CDK19: variants seen among roughly 807,000 people sequenced by gnomAD.
CDK19 encodes cyclin dependent kinase 19.
Under a neutral mutation model 68.3 loss-of-function variants are expected in CDK19, and 20 were observed. That is an observed-to-expected ratio of 0.29 (90% CI 0.21 to 0.43). The LOEUF (loss-of-function observed/expected upper bound fraction) is 0.43. Ranked by LOEUF, CDK19 falls within the 20% of genes least tolerant of loss-of-function variation. The pLI is 1.00. For synonymous variants in CDK19, 221 were observed against 222.8 expected, an observed-to-expected ratio of 0.99 and a Z score of 0.07; for missense variants, 339 against 623.5, an observed-to-expected ratio of 0.54 and a Z score of 4.86.
At chr6:110,736,197 T>G (rs1777241686) in intron 2 of CDK19, among the ~76,000 whole-genome samples, 1 of 152,092 alleles carries the variant, frequency 6.6e-6, no homozygotes, top group African/African-American at 2.4e-5. Context: ...CAAAATTAGC[T>G]GGGCGTGCTG....
intron 1 of CDK19, among the ~76,000 whole-genome samples, chr6:110,763,502 G>A (rs940730594): frequency 5.6e-5 from 8 of 141,810 alleles, no homozygotes; most frequent in South Asian, 2.3e-4. Flanking sequence ...TGCAGCCTCC[G>A]CCTCCCAGGT....
At chr6:110,638,507 T>A in intron 5 of CDK19, 142 bp downstream of exon 5, 1 of 597,144 alleles carries the variant, frequency 1.7e-6, no homozygotes, top group Admixed American at 3.1e-5. Context: ...AGACTATCTA[T>A]CTACATTTTC....
At chr6:110,682,695 C>T (rs928286733) in intron 2 of CDK19, among the ~76,000 whole-genome samples, 3 of 152,124 alleles carry the variant, frequency 2.0e-5, no homozygotes, top group African/African-American at 7.2e-5. Flanking sequence ...GACAGTGAGG[C>T]AGTAAGTAAA....
In CDK19 at chr6:110,815,053, T is replaced by C; in HGVS notation, c.84A>G (p.Gly28=). ...DLFEYEGCKV[G]RGTYGHVYKA... ...TGTAGACGTGACCGTAGGTGCCGCG[T>C]CCCACTTTGCACCCTTCGTACTCAA... Residue 28 remains glycine, a synonymous_variant, in exon 1 of 13, where the codon GGA becomes GGG. Transcript: ENST00000368911. 7 of 1,606,202 alleles carry C rather than the reference T, an allele frequency of 4.4e-6. No homozygotes were observed. The highest frequency in any genetic ancestry group is 5.9e-6 in the Non-Finnish European group (7 of 1,176,982).
At chr6:110,648,170 C>G (rs773964576) in intron 4 of CDK19, among the ~76,000 whole-genome samples, 4 of 152,124 alleles carry the variant, frequency 2.6e-5, no homozygotes, top group Non-Finnish European at 5.9e-5. Context: ...TGCCTACTAT[C>G]ACCACTTATA....
intron 1 of CDK19, among the ~76,000 whole-genome samples, chr6:110,781,232 G>A (rs1375155540): frequency 1.3e-5 from 2 of 152,236 alleles, no homozygotes; most frequent in South Asian, 2.1e-4. Flanking sequence ...TTTCAATCAC[G>A]GCACAAGGGG....
At chr6:110,624,414 A>T (rs1778955931) in intron 8 of CDK19, among the ~76,000 whole-genome samples, 1 of 152,156 alleles carries the variant, frequency 6.6e-6, no homozygotes, top group Non-Finnish European at 1.5e-5. Flanking sequence ...AGGTCTAAAA[A>T]TAGGTAATGT....
chr6:110,675,365 C>T (rs1034007445), intron 2 of CDK19, among the ~76,000 whole-genome samples: 11 of 152,114 alleles, frequency 7.2e-5, no homozygotes, highest in African/African-American at 2.4e-4. Context: ...CAGTGGCTCA[C>T]GCCTGTAATC....
chr6:110,751,918 C>A (rs1389502806), intron 1 of CDK19, among the ~76,000 whole-genome samples: 1 of 149,892 alleles, frequency 6.7e-6, no homozygotes, highest in Non-Finnish European at 1.5e-5. Flanking sequence ...CTATTTTTTT[C>A]TTCAAGAAGA....
chr6:110,714,222 T>A (rs1775191387), intron 2 of CDK19, among the ~76,000 whole-genome samples: 1 of 152,246 alleles, frequency 6.6e-6, no homozygotes, highest in South Asian at 2.1e-4. Flanking sequence ...TCATTTCACA[T>A]AATGTTCTCA....
At chr6:110,752,707 C>T (rs560245314) in intron 1 of CDK19, among the ~76,000 whole-genome samples, 75 of 152,256 alleles carry the variant, frequency 4.9e-4, no homozygotes, top group Non-Finnish European at 1.8e-4. Flanking sequence ...GCTTTCATTT[C>T]TTAGAAAGAC....
chr6:110,657,117 A>T (rs1387231348), intron 4 of CDK19, among the ~76,000 whole-genome samples: 3 of 152,220 alleles, frequency 2.0e-5, no homozygotes, highest in Non-Finnish European at 4.4e-5. Flanking sequence ...GAAGAAAGAG[A>T]GGCCTAGAGA....
intron 2 of CDK19, among the ~76,000 whole-genome samples, chr6:110,676,564 T>A (rs1212745518): frequency 1.3e-5 from 2 of 152,144 alleles, no homozygotes; most frequent in Non-Finnish European, 1.5e-5. Flanking sequence ...TTTAAGAAAT[T>A]GCCACCCCAG....
At chr6:110,718,747 T>A (rs1582940475) in intron 2 of CDK19, among the ~76,000 whole-genome samples, 1 of 151,710 alleles carries the variant, frequency 6.6e-6, no homozygotes, top group East Asian at 1.9e-4. Context: ...AAAATTGCCA[T>A]TCACAGATAG....
At chr6:110,742,136 G>C (rs9487504) in intron 2 of CDK19, among the ~76,000 whole-genome samples, 7,156 of 152,254 alleles carry the variant, frequency 0.047, 221 homozygotes, top group South Asian at 0.084. Context: ...AGGAGGGACC[G>C]GCTGGAGCCG....
intron 3 of CDK19, among the ~76,000 whole-genome samples, chr6:110,668,587 C>A (rs1044742051): frequency 6.6e-6 from 1 of 152,012 alleles, no homozygotes; most frequent in Non-Finnish European, 1.5e-5. Context: ...AATCCCAGCA[C>A]TTTGGGAGGC....
intron 2 of CDK19, among the ~76,000 whole-genome samples, chr6:110,674,884 A>C (rs920189867): frequency 1.3e-5 from 2 of 151,050 alleles, no homozygotes; most frequent in African/African-American, 4.9e-5. Flanking sequence ...CCCGGGCGAC[A>C]CAGCGAGACT....
At chr6:110,721,408 G>C (rs1775881575) in intron 2 of CDK19, among the ~76,000 whole-genome samples, 1 of 152,012 alleles carries the variant, frequency 6.6e-6, no homozygotes, top group Non-Finnish European at 1.5e-5. Flanking sequence ...CTTCACCAAG[G>C]CCTCTCCAAC....
chr6:110,771,154 A>AG lies in CDK19; in HGVS notation c.129-24954dup, dbSNP rs150387424. On this transcript the variant is annotated intron_variant, in intron 1 of 12. Coordinates refer to ENST00000368911, the MANE Select transcript of CDK19 (RefSeq NM_015076.5). ...CAGCTCCACTAGCCTGTGCCCCACTAGGGGCTCTGTGTGGGGGCTCCAACC... is the reference window on the plus strand; with the variant it reads ...CAGCTCCACTAGCCTGTGCCCCACTAGGGGGCTCTGTGTGGGGGCTCCAACC... 6.9e-3 allele frequency among the ~76,000 whole-genome samples: 1,053 copies of AG among 152,262 alleles called. 7 individuals are homozygous for AG. Among genetic ancestry groups the AG allele is most frequent in the Middle Eastern group, 0.014 (4 of 294 alleles).
Sources: allele counts gnomAD v4.1 joint callset (sites outside exome capture counted in the v4.1 genomes callset), GRCh38; gene constraint gnomAD v4.1.1; transcripts MANE v1.5; gene names NCBI Gene and HGNC (gene_info 2026-07-23, HGNC 2026-07-21).